AHNAK2: variants seen among roughly 807,000 people sequenced by gnomAD.
AHNAK2 encodes the protein AHNAK nucleoprotein 2.
In AHNAK2, 18 loss-of-function variants were observed where a neutral mutation model predicts 30.7. The observed-to-expected ratio is 0.59, with a 90% CI of 0.41 to 0.87. The LOEUF (loss-of-function observed/expected upper bound fraction) is 0.87. AHNAK2 is among the 40% of genes least tolerant of loss of function. The pLI, the probability that AHNAK2 is intolerant of heterozygous loss-of-function variation, is 0.00. For missense variants in AHNAK2, 8,604 were observed against 7,373.0 expected (o/e 1.17, Z -6.11); for synonymous variants, 3,590 against 3,073.8 (o/e 1.17, Z -5.56).
chr14:104,940,981 T>G lies in AHNAK2; in HGVS notation c.14470A>C (p.Lys4824Gln). The change falls in exon 7 of 7, where the codon AAG becomes CAG. Residue 4824 changes from lysine (K) to glutamine (Q), a missense_variant. Transcript: ENST00000333244. The surrounding 1 kb of genome is among the most constrained non-coding windows in gnomAD (Gnocchi z 4.4). ...SGSQADIPLP[K>Q]TECSTDLQPP... ...TGCAGGTCAGTGGAGCACTCTGTCT[T>G]GGGAAGAGGAATATCAGCCTGAGAC... 6.2e-7 allele frequency: 1 copy of G among 1,613,212 alleles called. No homozygotes were observed. The highest frequency in any genetic ancestry group is 8.5e-7 in the Non-Finnish European group (1 of 1,179,882).
intron 4 of AHNAK2, 110 bp from the exon 5 acceptor site, chr14:104,955,743 C>A: frequency 1.4e-6 from 2 of 1,415,548 alleles, no homozygotes; most frequent in Non-Finnish European, 9.5e-7. Context: ...TCCTTTCCAT[C>A]AGCCCAGACA....
chr14:104,970,722 C>G (rs1445637873), intron 1 of AHNAK2, among the ~76,000 whole-genome samples: 4 of 152,178 alleles, frequency 2.6e-5, no homozygotes, highest in Admixed American at 6.5e-5. Context: ...GAGTGCCCAC[C>G]CCCAGCCTGA....
chr14:104,954,571 A>T lies in AHNAK2; in HGVS notation c.880T>A (p.Ser294Thr). 6.2e-7 allele frequency: 1 copy of T among 1,607,640 alleles called. No individual in the cohort carries two copies. The highest frequency in any genetic ancestry group is 1.1e-5 in the South Asian group (1 of 90,608). The stretch of plus-strand genomic sequence containing the variant: ...GCCTCTGTGTCTGTGCTTGTAGGGG[A>T]CACGTCATGTGCGTCCCTAGGTTCG... Reference protein sequence around the residue: ...AYEPRDAHDVSPTSTDTEAQL... With the variant: ...AYEPRDAHDVTPTSTDTEAQL... Residue 294 changes from serine (S) to threonine (T), a missense_variant, in exon 7 of 7, where the codon TCC becomes ACC. Ser to Thr is a moderately conservative substitution (Grantham distance 58). Transcript: ENST00000333244. This position sits in a 1 kb window ranked among gnomAD's most constrained non-coding sequence, Gnocchi z 4.3.
chr14:104,947,038 C>T lies in AHNAK2; in HGVS notation c.8413G>A (p.Gly2805Ser), dbSNP rs1898318291. Reference protein sequence around the residue: ...LEGDLSLADKGMTAKDSKFKM... With the variant: ...LEGDLSLADKSMTAKDSKFKM... Reference sequence around the variant, plus strand: ...AACTTGCTGTCTTTGGCTGTCATGCCCTTGTCGGCCAGGGACAGGTCCCCC... The same window carrying T: ...AACTTGCTGTCTTTGGCTGTCATGCTCTTGTCGGCCAGGGACAGGTCCCCC... The change falls in exon 7 of 7, where the codon GGC (glycine) becomes AGC (serine). Residue 2805 changes from glycine to serine, a missense_variant. By Grantham distance (56) the Gly-to-Ser change is moderately conservative (BLOSUM62 0). Transcript: ENST00000333244. The T allele has an allele frequency of 1.2e-6, 2 of 1,612,464 alleles. No individual in the cohort carries two copies. Among genetic ancestry groups the T allele is most frequent in the Non-Finnish European group, 1.7e-6 (2 of 1,179,594 alleles).
Position 104,953,331 on chromosome 14 carries a change from G to C in AHNAK2, c.2120C>G (p.Ala707Gly), listed in dbSNP as rs1395692180. ...CTGCATGGAGAGGAGGCTCACGTCG[G>C]CCTCCACCTTCGGCGCAGACACATC... ...SVDVSAPKVE[A>G]DVSLLSMQGD... Residue 707 changes from alanine (A) to glycine (G), a missense_variant, in exon 7 of 7, where the codon GCC (alanine) becomes GGC (glycine). Coordinates refer to ENST00000333244, the MANE Select transcript of AHNAK2 (RefSeq NM_138420.4). 1 of 1,613,194 alleles carries C rather than the reference G, an allele frequency of 6.2e-7. No homozygotes were observed. The highest frequency in any genetic ancestry group is 1.7e-5 in the Admixed American group (1 of 59,950).
In AHNAK2 at chr14:104,951,212, C is replaced by A. The variant is rs754803586; in HGVS notation, c.4239G>T (p.Lys1413Asn). The change falls in exon 7 of 7, where the codon AAG becomes AAT. Residue 1413 changes from lysine to asparagine, a missense_variant. Coordinates refer to ENST00000333244, the MANE Select transcript of AHNAK2 (RefSeq NM_138420.4). ...GCACCTTGAAACTGGGCATCTGCAG[C>A]TTGGGCAGGTGCCCTTTGAGGCCGG... is the stretch of plus-strand genomic sequence containing the variant. ...EGAGLKGHLP[K>N]LQMPSFKVPK... 9.4e-7 allele frequency: 1 copy of A among 1,063,766 alleles called. No individual in the cohort carries two copies. Among genetic ancestry groups the A allele is most frequent in the Admixed American group, 2.1e-5 (1 of 46,822 alleles). 65.9% of individuals were successfully genotyped at this position (1,063,766 alleles called of 1,614,324 possible). A position where few individuals can be genotyped will look rare whatever the true frequency, so the allele number is the denominator to read the frequency against.
chr14:104,945,185 G>A lies in AHNAK2; in HGVS notation c.10266C>T (p.Val3422=), dbSNP rs767457388. Residue 3422 remains valine (V), a synonymous_variant, in exon 7 of 7, where the codon GTC becomes GTT. Coordinates refer to ENST00000333244, the MANE Select transcript of AHNAK2 (RefSeq NM_138420.4). ...CAGGGACTGTCACTTCCGCCTTGGG[G>A]ACTTTTAGGTCCAGCTTGGGGCCCT... ...DIKGPKLDLK[V]PKAEVTVPDV... 14 of 1,613,286 alleles carry A rather than the reference G, an allele frequency of 8.7e-6. No individual in the cohort carries two copies. In the East Asian group the frequency reaches 1.3e-4, roughly 15 times the overall value.
At position 104,953,579 on chromosome 14, in the gene AHNAK2, T is replaced by A. The variant is rs1898871294; in HGVS notation, c.1872A>T (p.Arg624Ser). Residue 624 changes from arginine (R) to serine (S), a missense_variant, in exon 7 of 7, where the codon AGA becomes AGT. Transcript: ENST00000333244. Reference sequence around the variant, plus strand: ...ATCCTTCCTCTGTGCGTCTCTGTTCTCTTCTATCAGCTGTTGCTGTGGCCT... The same window carrying A: ...ATCCTTCCTCTGTGCGTCTCTGTTCACTTCTATCAGCTGTTGCTGTGGCCT... ...EGEATATADR[R>S]EQRRTEEGLK... 6.2e-7 allele frequency: 1 copy of A among 1,613,942 alleles called. No individual in the cohort carries two copies. Among genetic ancestry groups the A allele is most frequent in the African/African-American group, 1.3e-5 (1 of 74,940 alleles).
In AHNAK2 at chr14:104,943,857, C is replaced by A. The variant is rs377500233; in HGVS notation, c.11594G>T (p.Arg3865Leu). Residue 3865 changes from arginine (R) to leucine (L), a missense_variant, in exon 7 of 7, where the codon CGC becomes CTC. Transcript: ENST00000333244. ...CTCCAGGAGTTTCATGTCCACCTGG[C>A]GAGCTTGGACCGTCAGGTCGGCAGA... is the stretch of plus-strand genomic sequence containing the variant. ...PHSADLTVQA[R>L]QVDMKLLEGH... is the part of the protein sequence containing the mutation. The A allele has an allele frequency of 2.2e-5, 35 of 1,612,762 alleles. No homozygotes were observed. The highest frequency in any genetic ancestry group is 2.6e-5 in the Non-Finnish European group (31 of 1,179,500).
In AHNAK2 at chr14:104,954,851, C is replaced by T. The variant is rs1334914283; in HGVS notation, c.652-52G>A. 3.9e-6 allele frequency: 6 copies of T among 1,537,694 alleles called. No individual in the cohort carries two copies. Among genetic ancestry groups the T allele is most frequent in the Non-Finnish European group, 5.2e-6 (6 of 1,145,792 alleles). Reference sequence around the variant, plus strand: ...TGGTGCCAGTCCAAGAAGCCTGGGGCCCTGGCCCAGGGACAGATGGAGTGG... The same window carrying T: ...TGGTGCCAGTCCAAGAAGCCTGGGGTCCTGGCCCAGGGACAGATGGAGTGG... On this transcript the variant is annotated intron_variant, in intron 6 of 6. Coordinates refer to ENST00000333244, the MANE Select transcript of AHNAK2 (RefSeq NM_138420.4). The surrounding 1 kb of genome is among the most constrained non-coding windows in gnomAD (Gnocchi z 4.3).
At chr14:104,964,117 A>C (rs1178327624) in intron 1 of AHNAK2, among the ~76,000 whole-genome samples, 1 of 152,356 alleles carries the variant, frequency 6.6e-6, no homozygotes, top group East Asian at 1.9e-4. Context: ...CCTCCAACCC[A>C]GAATGCACAA....
At position 104,947,798 on chromosome 14, in the gene AHNAK2, G is replaced by A. The variant is rs769764633; in HGVS notation, c.7653C>T (p.Leu2551=). ...CTCCCTCCGGCACAGGGCCCTCTGG[G>A]AGTTTCACGTCCACTTGGCCAGCCT... ...EVQAGQVDVK[L]PEGPVPEGAG... is the part of the protein sequence containing the mutation. The change falls in exon 7 of 7, where the codon CTC becomes CTT. Residue 2551 remains leucine, a synonymous_variant. Coordinates refer to ENST00000333244, the MANE Select transcript of AHNAK2 (RefSeq NM_138420.4). 9 of 1,612,780 alleles carry A rather than the reference G, an allele frequency of 5.6e-6. No individual in the cohort carries two copies. Among genetic ancestry groups the A allele is most frequent in the Non-Finnish European group, 7.6e-6 (9 of 1,179,632 alleles).
chr14:104,937,800 T>C lies in AHNAK2; in HGVS notation c.*263A>G. ...AAACTTCCCCAGCAGTGCCTCTGAG[T>C]ACCGTGTGAATTCTGGTGTCTTGTG... On this transcript the variant is annotated 3_prime_UTR_variant, in exon 7 of 7. Coordinates refer to ENST00000333244, the MANE Select transcript of AHNAK2 (RefSeq NM_138420.4). 2.2e-6 allele frequency: 1 copy of C among 457,378 alleles called. No homozygotes were observed. The highest frequency in any genetic ancestry group is 3.8e-6 in the Non-Finnish European group (1 of 260,814). 28.3% of individuals were successfully genotyped at this position (457,378 alleles called of 1,614,324 possible). A position where few individuals can be genotyped will look rare whatever the true frequency, so the allele number is the denominator to read the frequency against.
intron 4 of AHNAK2, 85 bp downstream of exon 4, chr14:104,956,503 C>A: frequency 7.1e-7 from 1 of 1,413,010 alleles, no homozygotes; most frequent in South Asian, 1.2e-5. Flanking sequence ...TTGCTCCTCC[C>A]CTGCCTGCTC....
Position 104,966,279 on chromosome 14 carries a change from AC to A in AHNAK2, c.56-8608del, listed in dbSNP as rs1483973873. On this transcript the variant is annotated intron_variant, in intron 1 of 6. Coordinates refer to ENST00000333244, the MANE Select transcript of AHNAK2 (RefSeq NM_138420.4). The surrounding 1 kb of genome is among the most constrained non-coding windows in gnomAD (Gnocchi z 4.3). ...CAGGCCCAGACCCCTGGCCTCCATA[AC>A]CCCCCAGCAGAGCCACAACCTCCGT... Among the ~76,000 whole-genome samples the A allele has an allele frequency of 3.3e-5, 5 of 151,476 alleles. No individual in the cohort carries two copies. Among genetic ancestry groups the A allele is most frequent in the Non-Finnish European group, 7.4e-5 (5 of 67,824 alleles).
rs750747836 is a variant in AHNAK2, at chr14:104,942,772, G to C, written c.12679C>G (p.Pro4227Ala). ...TGGGGGCCCTTGAGGGCCACTTTGG[G>C]CATCTTCAAACAGGGCATCTGCACC... Reference protein sequence around the residue: ...PKVQMPCLKMPKVALKGPQVD... With the variant: ...PKVQMPCLKMAKVALKGPQVD... Residue 4227 changes from proline to alanine, a missense_variant, in exon 7 of 7, where the codon CCC becomes GCC. Physicochemically the swap from Pro to Ala is conservative, Grantham distance 27 (BLOSUM62 -1). Coordinates refer to ENST00000333244, the MANE Select transcript of AHNAK2 (RefSeq NM_138420.4). 1.2e-6 allele frequency: 2 copies of C among 1,612,952 alleles called. No individual in the cohort carries two copies. Among genetic ancestry groups the C allele is most frequent in the Non-Finnish European group, 1.7e-6 (2 of 1,179,580 alleles).
Position 104,939,339 on chromosome 14 carries a change from A to G in AHNAK2, c.16112T>C (p.Val5371Ala). 1 of 1,613,704 alleles carries G rather than the reference A, an allele frequency of 6.2e-7. No homozygotes were observed. The highest frequency in any genetic ancestry group is 1.1e-5 in the South Asian group (1 of 91,082). Residue 5371 changes from valine (V) to alanine (A), a missense_variant, in exon 7 of 7, where the codon GTT becomes GCT. Coordinates refer to ENST00000333244, the MANE Select transcript of AHNAK2 (RefSeq NM_138420.4). Reference protein sequence around the residue: ...STDMPSQISVVNVDQLWEDSV... With the variant: ...STDMPSQISVANVDQLWEDSV... ...ATCTTCCCACAGTTGATCCACATTA[A>G]CCACAGAAATCTGGGATGGCATATC...
chr14:104,967,696 G>C (rs913151821), intron 1 of AHNAK2, among the ~76,000 whole-genome samples: 68 of 152,322 alleles, frequency 4.5e-4, no homozygotes, highest in African/African-American at 1.5e-3. Flanking sequence ...TGGCCACAGA[G>C]CTGCGCAGTG....
chr14:104,961,422 GA>G (rs935196204), intron 1 of AHNAK2, among the ~76,000 whole-genome samples: 22 of 150,112 alleles, frequency 1.5e-4, no homozygotes, highest in African/African-American at 5.1e-4. Flanking sequence ...GCTGAGGCAG[GA>G]GAATGGCGTG....
Sources: gnomAD v4.1 joint callset for allele counts (sites outside exome capture counted in the v4.1 genomes callset) on GRCh38, gnomAD v4.1.1 for gene constraint, Gnocchi (gnomAD v3.1) non-coding constraint, MANE v1.5 for transcripts, NCBI Gene and HGNC (gene_info 2026-07-23, HGNC 2026-07-21) for gene names.